The following PPFIA2 variants were observed in gnomAD, a reference collection of about 807,000 sequenced individuals.
The protein encoded by PPFIA2 is liprin-alpha-2.
In PPFIA2, 46 loss-of-function variants were observed where a neutral mutation model predicts 175.5. That is an observed-to-expected ratio of 0.26 (90% CI 0.21 to 0.34). The LOEUF (loss-of-function observed/expected upper bound fraction) is 0.34. PPFIA2 is among the 10% of genes least tolerant of loss of function. The pLI, the probability that PPFIA2 is intolerant of heterozygous loss-of-function variation, is 1.00. For synonymous variants in PPFIA2, 568 were observed against 511.4 expected (o/e 1.11, Z -1.49); for missense variants, 1,179 against 1,506.1 (o/e 0.78, Z 3.60).
intron 4 of PPFIA2, among the ~76,000 whole-genome samples, chr12:81,476,994 T>C (rs1262961654): frequency 1.3e-5 from 2 of 151,860 alleles, no homozygotes; most frequent in African/African-American, 4.8e-5. Context: ...CACTGATATG[T>C]GGGAGCTGAA....
intron 4 of PPFIA2, among the ~76,000 whole-genome samples, chr12:81,615,413 G>A (rs950327321): frequency 9.9e-5 from 15 of 152,130 alleles, no homozygotes; most frequent in African/African-American, 3.4e-4. Context: ...TTAAAAGACC[G>A]AAATGAGGTC....
At chr12:81,558,352 C>G (rs1338751502) in intron 4 of PPFIA2, among the ~76,000 whole-genome samples, 5 of 152,136 alleles carry the variant, frequency 3.3e-5, no homozygotes, top group African/African-American at 1.2e-4. Flanking sequence ...GAAGATTGAT[C>G]AGTAGTTACT....
intron 22 of PPFIA2, among the ~76,000 whole-genome samples, chr12:81,309,635 T>C (rs1481406215): frequency 6.6e-6 from 1 of 152,064 alleles, no homozygotes; most frequent in Non-Finnish European, 1.5e-5. Flanking sequence ...TTTATTCAGA[T>C]TCCAGTAAAA....
intron 7 of PPFIA2, among the ~76,000 whole-genome samples, chr12:81,418,628 G>T (rs1370212898): frequency 6.6e-6 from 1 of 151,832 alleles, no homozygotes; most frequent in Admixed American, 6.6e-5. Flanking sequence ...GGCTCATAAA[G>T]CCAAAAATAT....
chr12:81,530,752 G>GA (rs796160621), intron 4 of PPFIA2, among the ~76,000 whole-genome samples: 48,086 of 140,752 alleles, frequency 0.34, 7,967 homozygotes, highest in African/African-American at 0.42. Flanking sequence ...ATAAAAAAGA[G>GA]AAAAAAAAAA....
chr12:81,594,507 TC>T (rs1787543186), intron 4 of PPFIA2, among the ~76,000 whole-genome samples: 1 of 152,180 alleles, frequency 6.6e-6, no homozygotes, highest in Non-Finnish European at 1.5e-5. Flanking sequence ...GTTGCGAACT[TC>T]GTTTTGTTTT....
chr12:81,368,615 T>A (rs1007867215), intron 13 of PPFIA2, 110 bp downstream of exon 13: 5 of 1,176,244 alleles, frequency 4.3e-6, no homozygotes, highest in Middle Eastern at 2.1e-4. Context: ...CAGGCATTTT[T>A]AAAAACTAAG....
chr12:81,399,303 A>G (rs1202612458), intron 8 of PPFIA2, among the ~76,000 whole-genome samples: 1 of 150,448 alleles, frequency 6.6e-6, no homozygotes, highest in Non-Finnish European at 1.5e-5. Context: ...AAAAAAAAAA[A>G]AAAAAAAAAA....
At chr12:81,360,762 T>A (rs2061471465) in intron 15 of PPFIA2, among the ~76,000 whole-genome samples, 1 of 149,448 alleles carries the variant, frequency 6.7e-6, no homozygotes, top group Non-Finnish European at 1.5e-5. Flanking sequence ...AAATATTCAG[T>A]TATCCTGTAA....
chr12:81,521,871 G>A (rs913869984), intron 4 of PPFIA2, among the ~76,000 whole-genome samples: 11 of 151,150 alleles, frequency 7.3e-5, no homozygotes, highest in African/African-American at 2.4e-4. Context: ...CTATGATCTT[G>A]TATTATGAAA....
At chr12:81,714,564 C>T (rs1186962908) in intron 3 of PPFIA2, among the ~76,000 whole-genome samples, 1 of 150,634 alleles carries the variant, frequency 6.6e-6, no homozygotes, top group Non-Finnish European at 1.5e-5. Context: ...TATTGAATGC[C>T]CTCGAATAGA....
At chr12:81,271,344 T>C (rs1405468680) in intron 28 of PPFIA2, among the ~76,000 whole-genome samples, 2 of 152,076 alleles carry the variant, frequency 1.3e-5, no homozygotes, top group African/African-American at 4.8e-5. Flanking sequence ...GATCTCTGCT[T>C]ACTGCAACCT....
intron 8 of PPFIA2, among the ~76,000 whole-genome samples, chr12:81,390,899 A>C (rs2039994208): frequency 6.6e-6 from 1 of 151,796 alleles, no homozygotes; most frequent in Non-Finnish European, 1.5e-5. Flanking sequence ...AAAGCAGTAC[A>C]AGTATATATT....
At chr12:81,639,719 T>G (rs1025715903) in intron 4 of PPFIA2, among the ~76,000 whole-genome samples, 10 of 152,160 alleles carry the variant, frequency 6.6e-5, no homozygotes, top group Non-Finnish European at 1.5e-4. Context: ...TCACATAATA[T>G]ATGCTAAATC....
chr12:81,500,979 C>T (rs1366029498), intron 4 of PPFIA2, among the ~76,000 whole-genome samples: 2 of 152,166 alleles, frequency 1.3e-5, no homozygotes, highest in East Asian at 3.9e-4. Flanking sequence ...AGTTGCCCTA[C>T]TTCAGTCTAT....
rs113633301 is a variant in PPFIA2 at position 81,423,583 on chromosome 12, A to G, written c.645+16389T>C. ...AATATTCTCAACAAAATTGGTATAG[A>G]AGAAAATTACCTCAGCACAATAAAG... On this transcript the variant is annotated intron_variant, in intron 7 of 32. Coordinates refer to ENST00000549396, the MANE Select transcript of PPFIA2 (RefSeq NM_003625.5). Among the ~76,000 whole-genome samples, 1,328 of 152,262 alleles carry G rather than the reference A, an allele frequency of 8.7e-3. 24 individuals are homozygous for G. Among genetic ancestry groups the G allele is most frequent in the African/African-American group, 0.03 (1,246 of 41,554 alleles).
chr12:81,494,739 A>G (rs2059832932), intron 4 of PPFIA2, among the ~76,000 whole-genome samples: 1 of 152,064 alleles, frequency 6.6e-6, no homozygotes. Context: ...TGTGGCACAT[A>G]TACACCATGG....
chr12:81,421,775 TAAC>T (rs1462764818), intron 7 of PPFIA2, among the ~76,000 whole-genome samples: 5 of 151,794 alleles, frequency 3.3e-5, no homozygotes, highest in Admixed American at 6.6e-5. Context: ...AAAAATAATA[TAAC>T]AAGATCCAGT....
intron 4 of PPFIA2, among the ~76,000 whole-genome samples, chr12:81,602,824 T>G (rs994940381): frequency 6.6e-6 from 1 of 151,804 alleles, no homozygotes; most frequent in Non-Finnish European, 1.5e-5. Flanking sequence ...GAATAATAAA[T>G]TTTAGAAAAG....
Sources: allele counts gnomAD v4.1 joint callset (sites outside exome capture counted in the v4.1 genomes callset), GRCh38; gene constraint gnomAD v4.1.1; transcripts MANE v1.5; gene names NCBI Gene and HGNC (gene_info 2026-07-23, HGNC 2026-07-21).